The following PCSK5 variants were observed in gnomAD, a reference collection of about 807,000 sequenced individuals.
PCSK5 encodes the protein prohormone convertase 5.
In PCSK5, 129 loss-of-function variants were observed where a neutral mutation model predicts 233.2. The observed-to-expected ratio is 0.55, with a 90% CI of 0.48 to 0.64. The LOEUF is 0.64. Ranked by LOEUF, PCSK5 falls within the 30% of genes least tolerant of loss-of-function variation. The pLI is 0.00. For synonymous variants in PCSK5, 825 were observed against 879.2 expected, an observed-to-expected ratio of 0.94 and a Z score of 1.09; for missense variants, 2,076 against 2,430.1, an observed-to-expected ratio of 0.85 and a Z score of 3.06.
At chr9:76,170,218 T>G (rs202134405) in intron 13 of PCSK5, among the ~76,000 whole-genome samples, 2 of 132,492 alleles carry the variant, frequency 1.5e-5, no homozygotes, top group African/African-American at 5.5e-5. Flanking sequence ...GTTATCTATT[T>G]CTTTTTAGTT....
At chr9:76,354,857 T>C (rs1437896400) in intron 37 of PCSK5, among the ~76,000 whole-genome samples, 1 of 152,154 alleles carries the variant, frequency 6.6e-6, no homozygotes, top group Non-Finnish European at 1.5e-5. Context: ...GAGCTAGCAT[T>C]TTATCTTTAT....
chr9:76,073,569 T>C (rs902873238), intron 7 of PCSK5, among the ~76,000 whole-genome samples: 1 of 152,210 alleles, frequency 6.6e-6, no homozygotes, highest in African/African-American at 2.4e-5. Flanking sequence ...ATGTTTTCAA[T>C]AGAATGATCA....
intron 35 of PCSK5, among the ~76,000 whole-genome samples, chr9:76,338,893 C>T (rs1221641416): frequency 6.6e-6 from 1 of 152,250 alleles, no homozygotes; most frequent in Non-Finnish European, 1.5e-5. Flanking sequence ...CAGGCTGATA[C>T]TTTGAAGTTC....
At chr9:76,203,752 G>A (rs540835672) in intron 20 of PCSK5, among the ~76,000 whole-genome samples, 58 of 152,248 alleles carry the variant, frequency 3.8e-4, no homozygotes, top group Admixed American at 2.9e-3. Context: ...TGGCAGCAGT[G>A]GAAACTAGCA....
rs574885672 is a variant in PCSK5, at chr9:76,093,545, A to T, written c.895-2345A>T. Among the ~76,000 whole-genome samples, 28 of 151,840 alleles carry T rather than the reference A, an allele frequency of 1.8e-4. 1 individual carries two copies. In the South Asian group the frequency reaches 5.8e-3, roughly 32 times the overall value. On this transcript the variant is annotated intron_variant, in intron 7 of 37. Coordinates refer to ENST00000674117, the MANE Select transcript of PCSK5 (RefSeq NM_001372043.1). ...AAGATAGTTTAATTGAATTTTATTC[A>T]TGGGCACACTGTCATAATTTTATAT...
At chr9:76,079,339 A>G (rs977895683) in intron 7 of PCSK5, among the ~76,000 whole-genome samples, 16 of 151,758 alleles carry the variant, frequency 1.1e-4, no homozygotes, top group Admixed American at 8.5e-4. Flanking sequence ...ATGTTTCACC[A>G]TGTTGGCCGG....
chr9:76,130,414 T>G (rs4745506), intron 9 of PCSK5, among the ~76,000 whole-genome samples: 74,386 of 152,080 alleles, frequency 0.49, 18,471 homozygotes, highest in Admixed American at 0.53. Flanking sequence ...ATAGCATAAG[T>G]TATACAGCCA....
intron 10 of PCSK5, among the ~76,000 whole-genome samples, chr9:76,135,695 C>T (rs1432235363): frequency 6.6e-6 from 1 of 151,880 alleles, no homozygotes; most frequent in Non-Finnish European, 1.5e-5. Context: ...GCTCCCAACT[C>T]GTACAATATA....
chr9:75,929,253 TTCATTCAGCAG>T (rs1294548908), intron 1 of PCSK5, among the ~76,000 whole-genome samples: 1 of 152,102 alleles, frequency 6.6e-6, no homozygotes, highest in Non-Finnish European at 1.5e-5. Flanking sequence ...TTTTAGGCCA[TTCATTCAGCAG>T]TCTTTAATGA....
chr9:76,246,883 A>G (rs114578382), intron 24 of PCSK5, among the ~76,000 whole-genome samples: 3,334 of 152,352 alleles, frequency 0.022, 102 homozygotes, highest in South Asian at 0.12. Flanking sequence ...AGATGGTGGC[A>G]GGCCACTTCC....
chr9:75,951,594 G>A (rs28624952), intron 2 of PCSK5, among the ~76,000 whole-genome samples: 23,650 of 151,966 alleles, frequency 0.16, 2,038 homozygotes, highest in Non-Finnish European at 0.17. Context: ...AACAGTTTAT[G>A]GCATATTAAC....
chr9:76,094,629 A>T (rs1008203884), intron 7 of PCSK5, among the ~76,000 whole-genome samples: 5 of 151,820 alleles, frequency 3.3e-5, no homozygotes, highest in African/African-American at 1.2e-4. Flanking sequence ...TTCAAGATGG[A>T]GTCTCACTCT....
chr9:75,999,645 T>C (rs572219122), intron 3 of PCSK5, among the ~76,000 whole-genome samples: 242 of 152,336 alleles, frequency 1.6e-3, no homozygotes, highest in Non-Finnish European at 2.7e-3. Context: ...GCCCAGGTGT[T>C]GCTTGCCCTC....
rs545114466 is a variant in PCSK5 at position 75,943,114 on chromosome 9, A to AC, written c.297+10633dup. ...TGGCCAGGCTGGTCTCGAACTCCTGACCTCAGGTGATCCACCCGCCTCTGC... is the reference window on the plus strand; with the variant it reads ...TGGCCAGGCTGGTCTCGAACTCCTGACCCTCAGGTGATCCACCCGCCTCTGC... On this transcript the variant is annotated intron_variant, in intron 2 of 37. Transcript: ENST00000674117. Among the ~76,000 whole-genome samples, 181 of 151,846 alleles carry AC rather than the reference A, an allele frequency of 1.2e-3. 1 individual carries two copies. The highest frequency in any genetic ancestry group is 4.2e-3 in the African/African-American group (174 of 41,464).
At chr9:76,268,396 TAA>T (rs1827405910) in intron 24 of PCSK5, among the ~76,000 whole-genome samples, 1 of 152,230 alleles carries the variant, frequency 6.6e-6, no homozygotes, top group Admixed American at 6.5e-5. Context: ...CCCACAGTGA[TAA>T]GAGTTGTTGC....
intron 5 of PCSK5, among the ~76,000 whole-genome samples, chr9:76,062,705 A>G (rs542581628): frequency 1.7e-4 from 26 of 152,330 alleles, no homozygotes; most frequent in Non-Finnish European, 3.1e-4. Context: ...TATGGGTTAT[A>G]TATGGTATTT....
chr9:75,976,177 A>G (rs1169585098), intron 2 of PCSK5, among the ~76,000 whole-genome samples: 1 of 151,946 alleles, frequency 6.6e-6, no homozygotes, highest in Non-Finnish European at 1.5e-5. Context: ...TGGGGATATA[A>G]TCTTTCCATT....
At chr9:76,069,383 T>C (rs1383686225) in intron 6 of PCSK5, among the ~76,000 whole-genome samples, 1 of 150,262 alleles carries the variant, frequency 6.7e-6, no homozygotes, top group Non-Finnish European at 1.5e-5. Context: ...GAAATCTTAA[T>C]AATTTTTAAA....
At chr9:76,171,824 A>G (rs1168777257) in intron 13 of PCSK5, among the ~76,000 whole-genome samples, 1 of 152,186 alleles carries the variant, frequency 6.6e-6, no homozygotes, top group Non-Finnish European at 1.5e-5. Context: ...ACTGGCCTGG[A>G]GACTTTAATA....
Sources: allele counts gnomAD v4.1 joint callset (sites outside exome capture counted in the v4.1 genomes callset), GRCh38; gene constraint gnomAD v4.1.1; transcripts MANE v1.5; gene names NCBI Gene and HGNC (gene_info 2026-07-23, HGNC 2026-07-21).